CHL1: variants seen among roughly 807,000 people sequenced by gnomAD.
The protein encoded by CHL1 is cell adhesion molecule L1 like, also known as neural cell adhesion molecule L1-like protein.
CHL1 carries 96 observed loss-of-function variants against 141.9 expected under a neutral mutation model. The ratio of observed to expected loss-of-function variants is 0.68; its 90% CI spans 0.57 to 0.80. The LOEUF is 0.80. Ranked by LOEUF, CHL1 falls within the 30% of genes least tolerant of loss-of-function variation. The pLI is 0.00. For synonymous variants in CHL1, 613 were observed against 502.2 expected, an observed-to-expected ratio of 1.22 and a Z score of -2.95; for missense variants, 1,820 against 1,457.2, an observed-to-expected ratio of 1.25 and a Z score of -4.05.
chr3:299,855 G>C (rs984742010), intron 2 of CHL1, among the ~76,000 whole-genome samples: 4 of 152,222 alleles, frequency 2.6e-5, no homozygotes, highest in Non-Finnish European at 5.9e-5. Context: ...TCTACGAATA[G>C]TGAGATTGCT....
chr3:319,609 AAG>A lies in CHL1; in HGVS notation c.-94-72_-94-71del, dbSNP rs1276658115. Reference sequence around the variant, plus strand: ...GCCAAACCAAAAAAAAAAAAAAAAAAAGAAGGTATTTAATTTGTTCTGTTGAA... The same window carrying A: ...GCCAAACCAAAAAAAAAAAAAAAAAAAAGGTATTTAATTTGTTCTGTTGAA... On this transcript the variant is annotated intron_variant, in intron 2 of 27. Transcript: ENST00000256509. 1.4e-3 allele frequency: 730 copies of A among 508,966 alleles called. 4 individuals are homozygous for A. Among genetic ancestry groups the A allele is most frequent in the African/African-American group, 0.013 (654 of 49,084 alleles). The allele number at this position is 508,966 out of a possible 1,614,324, so 31.5% of individuals were successfully genotyped here. A position where few individuals can be genotyped will look rare whatever the true frequency, so the allele number is the denominator to read the frequency against.
Position 389,471 on chromosome 3 carries a change from G to T in CHL1, c.2467G>T (p.Asp823Tyr). Residue 823 changes from aspartate (D) to tyrosine (Y), a missense_variant, in exon 20 of 28, where the codon GAC becomes TAC. Coordinates refer to ENST00000256509, the MANE Select transcript of CHL1 (RefSeq NM_006614.4). The part of the protein sequence containing the change: ...PQSVTLYSGE[D>Y]YPDTAPVIHG... ...GTCAGTGACTCTCTATTCTGGAGAA[G>T]ACTGTAAGTGATGCACCTAAAACTG... The T allele has an allele frequency of 6.2e-7, 1 of 1,612,262 alleles. No individual in the cohort carries two copies. Among genetic ancestry groups the T allele is most frequent in the South Asian group, 1.1e-5 (1 of 91,030 alleles).
At chr3:289,889 T>C (rs572886075) in intron 2 of CHL1, among the ~76,000 whole-genome samples, 11 of 151,706 alleles carry the variant, frequency 7.3e-5, no homozygotes, top group African/African-American at 2.7e-4. Context: ...AAAATGATCA[T>C]TTTTGTTATG....
chr3:348,619 C>G (rs1702967400), intron 9 of CHL1, among the ~76,000 whole-genome samples: 1 of 152,174 alleles, frequency 6.6e-6, no homozygotes, highest in Non-Finnish European at 1.5e-5. Context: ...AGTTATCATG[C>G]TGGTGTGTAA....
intron 2 of CHL1, chr3:247,837 C>T (rs949540891): frequency 5.9e-5 from 9 of 152,180 alleles, no homozygotes; most frequent in African/African-American, 1.7e-4. Context: ...CCACTGGATG[C>T]TAGAACATTG....
At chr3:218,358 G>A (rs996287473) in intron 1 of CHL1, among the ~76,000 whole-genome samples, 2 of 152,204 alleles carry the variant, frequency 1.3e-5, no homozygotes, top group African/African-American at 4.8e-5. Flanking sequence ...TAAGCATGAT[G>A]TGTGTTGATT....
intron 2 of CHL1, among the ~76,000 whole-genome samples, chr3:284,102 C>T (rs1696905712): frequency 6.6e-6 from 1 of 152,152 alleles, no homozygotes; most frequent in African/African-American, 2.4e-5. Flanking sequence ...ATGTAAGTTT[C>T]TGCCCTGATG....
intron 11 of CHL1, among the ~76,000 whole-genome samples, chr3:355,660 T>C (rs1250054042): frequency 6.6e-6 from 1 of 152,194 alleles, no homozygotes; most frequent in African/African-American, 2.4e-5. Context: ...GGGTCCCGTC[T>C]AGGATGTGCA....
Position 344,711 on chromosome 3 carries a change from T to G in CHL1, c.848+2T>G. The G allele has an allele frequency of 6.2e-7, 1 of 1,613,550 alleles. No homozygotes were observed. Among genetic ancestry groups the G allele is most frequent in the Non-Finnish European group, 8.5e-7 (1 of 1,179,690 alleles). On this transcript the variant is annotated splice_donor_variant, in intron 9 of 27. Coordinates refer to ENST00000256509, the MANE Select transcript of CHL1 (RefSeq NM_006614.4). LOFTEE classifies it high-confidence loss of function. ...GCTTGAGTGTTTTGCTGAAGGCTTG[T>G]GAGTAACCTGACTCTCACTCATGAC...
chr3:334,990 C>G (rs1701754742), intron 5 of CHL1, among the ~76,000 whole-genome samples: 1 of 152,158 alleles, frequency 6.6e-6, no homozygotes, highest in Admixed American at 6.5e-5. Flanking sequence ...TTAAAATAGT[C>G]TACGAAATGT....
At chr3:326,151 A>G (rs1471470101) in intron 4 of CHL1, 87 bp downstream of exon 4, 6 of 754,230 alleles carry the variant, frequency 8.0e-6, no homozygotes, top group Non-Finnish European at 1.3e-5. Flanking sequence ...AGCCTGTTGG[A>G]CTATGAATCC....
chr3:337,278 C>A (rs1287052894), intron 5 of CHL1, among the ~76,000 whole-genome samples: 1 of 150,024 alleles, frequency 6.7e-6, no homozygotes, highest in Admixed American at 6.7e-5. Flanking sequence ...GCAAGCTCCG[C>A]CTCCCGGGTT....
chr3:204,265 C>T (rs561630797), intron 1 of CHL1, among the ~76,000 whole-genome samples: 1 of 152,322 alleles, frequency 6.6e-6, no homozygotes, highest in South Asian at 2.1e-4. Flanking sequence ...AAAGCTTTTG[C>T]TGTAAGTGGT....
chr3:238,532 G>A (rs1482106442), intron 1 of CHL1, among the ~76,000 whole-genome samples: 1 of 152,146 alleles, frequency 6.6e-6, no homozygotes, highest in African/African-American at 2.4e-5. Flanking sequence ...CAATCTGACA[G>A]CAATTGTGCT....
At chr3:345,312 G>A (rs1171441084) in intron 9 of CHL1, among the ~76,000 whole-genome samples, 7 of 140,736 alleles carry the variant, frequency 5.0e-5, no homozygotes, top group Non-Finnish European at 3.2e-5. Context: ...CAGGTTCCAA[G>A]GAGCCCTATT....
At chr3:269,219 T>A (rs553214774) in intron 2 of CHL1, among the ~76,000 whole-genome samples, 1 of 152,204 alleles carries the variant, frequency 6.6e-6, no homozygotes, top group Non-Finnish European at 1.5e-5. Flanking sequence ...TCTAGCATTG[T>A]GGAATGTGCA....
At chr3:356,988 G>A (rs992000465) in intron 11 of CHL1, among the ~76,000 whole-genome samples, 3 of 152,214 alleles carry the variant, frequency 2.0e-5, no homozygotes, top group African/African-American at 7.2e-5. Context: ...TAGGTAGGAG[G>A]CCATCTGAGA....
chr3:285,039 G>A (rs1697006495), intron 2 of CHL1, among the ~76,000 whole-genome samples: 1 of 152,138 alleles, frequency 6.6e-6, no homozygotes, highest in Non-Finnish European at 1.5e-5. Flanking sequence ...ATGAAAGTAG[G>A]CTTATCCACT....
At chr3:332,619 G>C (rs1701528878) in intron 5 of CHL1, among the ~76,000 whole-genome samples, 1 of 152,100 alleles carries the variant, frequency 6.6e-6, no homozygotes, top group Non-Finnish European at 1.5e-5. Context: ...ACATTTCTGA[G>C]TTACTGAGAT....
Sources: gnomAD v4.1 joint callset for allele counts (sites outside exome capture counted in the v4.1 genomes callset) on GRCh38, gnomAD v4.1.1 for gene constraint, MANE v1.5 for transcripts, NCBI Gene and HGNC (gene_info 2026-07-23, HGNC 2026-07-21) for gene names.